The following ARL15 variants were observed in gnomAD, a reference collection of about 807,000 sequenced individuals.
The protein encoded by ARL15 is ADP-ribosylation factor-like protein 15.
Under a neutral mutation model 25.2 loss-of-function variants are expected in ARL15, and 19 were observed. The observed-to-expected ratio is 0.75, with a 90% CI of 0.53 to 1.10. The LOEUF (loss-of-function observed/expected upper bound fraction) is 1.10. Among genes scored for constraint, ARL15 ranks in the 50% least tolerant of loss-of-function variants. The pLI is 0.00. For missense variants in ARL15, 220 were observed against 246.0 expected, an observed-to-expected ratio of 0.89 and a Z score of 0.71; for synonymous variants, 94 against 86.8, an observed-to-expected ratio of 1.08 and a Z score of -0.46.
At chr5:54,267,312 C>T (rs1055154524) in intron 1 of ARL15, among the ~76,000 whole-genome samples, 5 of 152,112 alleles carry the variant, frequency 3.3e-5, no homozygotes, top group African/African-American at 7.2e-5. Context: ...AGGACGGTCT[C>T]GATCTCCCGA....
intron 2 of ARL15, 78 bp from the exon 3 acceptor site, chr5:54,154,717 CTTT>C (rs1754172071): frequency 1.3e-6 from 1 of 799,492 alleles, no homozygotes; most frequent in African/African-American, 1.8e-5. Context: ...CAAATTGTCT[CTTT>C]TTAGGCTGGT....
chr5:54,051,546 AAACAGAC>A (rs1750701917), intron 4 of ARL15, among the ~76,000 whole-genome samples: 1 of 152,250 alleles, frequency 6.6e-6, no homozygotes. Context: ...ACAAGTCACC[AAACAGAC>A]AAGTAAGCAA....
chr5:53,899,659 C>A (rs1387088093), intron 4 of ARL15, among the ~76,000 whole-genome samples: 1 of 151,976 alleles, frequency 6.6e-6, no homozygotes. Context: ...TTGATTGATT[C>A]AAGTAAATGA....
At chr5:54,059,561 T>C (rs1260095428) in intron 4 of ARL15, among the ~76,000 whole-genome samples, 2 of 152,080 alleles carry the variant, frequency 1.3e-5, no homozygotes, top group African/African-American at 4.8e-5. Context: ...GAAAACAGTA[T>C]TTGAGAAAAT....
chr5:54,180,130 T>A (rs147955178), intron 1 of ARL15, among the ~76,000 whole-genome samples: 4 of 152,026 alleles, frequency 2.6e-5, no homozygotes, highest in African/African-American at 9.7e-5. Flanking sequence ...TATATGTATA[T>A]ATAAATTATA....
At chr5:54,178,529 G>A (rs1169562043) in intron 1 of ARL15, among the ~76,000 whole-genome samples, 1 of 152,080 alleles carries the variant, frequency 6.6e-6, no homozygotes, top group African/African-American at 2.4e-5. Context: ...TTAGATTAAC[G>A]AAACATCCAT....
chr5:53,955,345 A>C (rs1747111859), intron 4 of ARL15, among the ~76,000 whole-genome samples: 1 of 152,178 alleles, frequency 6.6e-6, no homozygotes, highest in South Asian at 2.1e-4. Flanking sequence ...ATATATAAAT[A>C]TTTTGCAAAG....
chr5:54,113,336 C>T lies in ARL15; in HGVS notation c.328G>A (p.Ala110Thr), dbSNP rs772819619. 104 of 1,613,850 alleles carry T rather than the reference C, an allele frequency of 6.4e-5. 1 individual carries two copies. The South Asian group carries it at 1.1e-3, about 17-fold the overall frequency. ...SQGVIFVLDSASSEDDLEAAR... is the reference protein window; with the variant it reads ...SQGVIFVLDSTSSEDDLEAAR... ...GCTTCTAAATCATCCTCTGAAGAGGCACTGTCTAATACAAATATTACCCCT... is the reference window on the plus strand; with the variant it reads ...GCTTCTAAATCATCCTCTGAAGAGGTACTGTCTAATACAAATATTACCCCT... The change falls in exon 4 of 5, where the codon GCC becomes ACC. Residue 110 changes from alanine (A) to threonine (T), a missense_variant. Coordinates refer to ENST00000504924, the MANE Select transcript of ARL15 (RefSeq NM_019087.3).
chr5:54,164,447 G>C (rs878883301), intron 2 of ARL15, among the ~76,000 whole-genome samples: 1 of 152,032 alleles, frequency 6.6e-6, no homozygotes, highest in Non-Finnish European at 1.5e-5. Flanking sequence ...GATCTATAAA[G>C]TATTGAGAGA....
chr5:54,274,467 G>T (rs1278637823), intron 1 of ARL15, among the ~76,000 whole-genome samples: 1 of 152,114 alleles, frequency 6.6e-6, no homozygotes, highest in African/African-American at 2.4e-5. Flanking sequence ...TGTAAAAATA[G>T]AAATTAGGAG....
chr5:54,275,224 C>T (rs764613563), intron 1 of ARL15, among the ~76,000 whole-genome samples: 14 of 152,208 alleles, frequency 9.2e-5, no homozygotes, highest in Non-Finnish European at 1.3e-4. Flanking sequence ...TTGAGGTACA[C>T]TGCACCGTCT....
chr5:54,180,530 A>G (rs1755026379), intron 1 of ARL15, among the ~76,000 whole-genome samples: 1 of 152,194 alleles, frequency 6.6e-6, no homozygotes. Flanking sequence ...TTGAGGTGGA[A>G]ATCCTGTCAT....
At chr5:54,042,199 A>G (rs1750365176) in intron 4 of ARL15, among the ~76,000 whole-genome samples, 1 of 152,024 alleles carries the variant, frequency 6.6e-6, no homozygotes, top group Non-Finnish European at 1.5e-5. Flanking sequence ...TTGAACTCCT[A>G]ACCTCATGAT....
At chr5:53,888,334 G>A (rs2111885200) in intron 4 of ARL15, among the ~76,000 whole-genome samples, 1 of 151,972 alleles carries the variant, frequency 6.6e-6, no homozygotes, top group East Asian at 1.9e-4. Flanking sequence ...AGGCTGGAGT[G>A]CAATGGTAGG....
Position 54,012,743 on chromosome 5 carries a change from C to G in ARL15, c.462+100459G>C, listed in dbSNP as rs1368062961. Among the ~76,000 whole-genome samples the G allele has an allele frequency of 4.0e-5, 6 of 151,586 alleles. No individual in the cohort carries two copies. In the East Asian group the frequency reaches 1.2e-3, roughly 29 times the overall value. ...TTCTCCATGTTGGTCAGGCTGGTCT[C>G]CAACTCCCAACCTCAGGTGATCCAC... On this transcript the variant is annotated intron_variant, in intron 4 of 4. Coordinates refer to ENST00000504924, the MANE Select transcript of ARL15 (RefSeq NM_019087.3).
At chr5:54,222,983 ATTTTTTTTTTTT>A (rs35959438) in intron 1 of ARL15, among the ~76,000 whole-genome samples, 1 of 127,112 alleles carries the variant, frequency 7.9e-6, no homozygotes, top group Non-Finnish European at 1.6e-5. Flanking sequence ...CTATGCCTGG[ATTTTTTTTTTTT>A]TTTTTTTTTT....
chr5:54,111,315 C>T (rs569879584), intron 4 of ARL15, among the ~76,000 whole-genome samples: 24 of 152,048 alleles, frequency 1.6e-4, no homozygotes, highest in East Asian at 1.5e-3. Context: ...TCTATGACAA[C>T]GCTACATTTA....
intron 1 of ARL15, among the ~76,000 whole-genome samples, chr5:54,260,998 C>A (rs748184028): frequency 6.6e-6 from 1 of 152,166 alleles, no homozygotes; most frequent in African/African-American, 2.4e-5. Context: ...TAGTTCCCCC[C>A]GCTTCTGATC....
intron 4 of ARL15, among the ~76,000 whole-genome samples, chr5:53,886,936 A>G (rs1744546340): frequency 6.6e-6 from 1 of 152,176 alleles, no homozygotes; most frequent in Non-Finnish European, 1.5e-5. Context: ...ATCTGCGTGC[A>G]AGCCACCATT....
Sources: allele counts gnomAD v4.1 joint callset (sites outside exome capture counted in the v4.1 genomes callset), GRCh38; gene constraint gnomAD v4.1.1; transcripts MANE v1.5; gene names NCBI Gene and HGNC (gene_info 2026-07-23, HGNC 2026-07-21).